HTR1F: variants seen among roughly 807,000 people sequenced by gnomAD.
HTR1F encodes 5-hydroxytryptamine receptor 1F.
Under a neutral mutation model 24.0 loss-of-function variants are expected in HTR1F, and 17 were observed. The observed-to-expected ratio is 0.71, with a 90% confidence interval of 0.48 to 1.06. The LOEUF (loss-of-function observed/expected upper bound fraction) is 1.06. Among genes scored for constraint, HTR1F ranks in the 50% least tolerant of loss-of-function variants. The pLI is 0.00. For missense variants in HTR1F, 391 were observed against 427.8 expected (o/e 0.91, Z 0.76); for synonymous variants, 186 against 156.8 (o/e 1.19, Z -1.39).
chr3:87,820,175 AT>A (rs1370534998), intron 1 of HTR1F, among the ~76,000 whole-genome samples: 281 of 130,624 alleles, frequency 2.2e-3, no homozygotes, highest in African/African-American at 3.9e-3. Flanking sequence ...ATCATGACCC[AT>A]TTTTTTTTTT....
intron 2 of HTR1F, among the ~76,000 whole-genome samples, chr3:87,862,092 A>C (rs1426386637): frequency 3.9e-5 from 6 of 152,182 alleles, no homozygotes; most frequent in Admixed American, 3.9e-4. Context: ...CATATTTACC[A>C]TTTCCAGTGT....
At chr3:87,886,170 G>A (rs1705937893) in intron 2 of HTR1F, among the ~76,000 whole-genome samples, 2 of 152,202 alleles carry the variant, frequency 1.3e-5, no homozygotes, top group Non-Finnish European at 2.9e-5. Flanking sequence ...TCCCTGTGAT[G>A]CAAGGCTGGT....
intron 2 of HTR1F, among the ~76,000 whole-genome samples, chr3:87,834,348 C>G (rs919523415): frequency 6.6e-6 from 1 of 151,814 alleles, no homozygotes; most frequent in African/African-American, 2.4e-5. Flanking sequence ...CATATAAATA[C>G]TCATATAAAT....
intron 2 of HTR1F, among the ~76,000 whole-genome samples, chr3:87,988,430 G>A (rs779274795): frequency 4.9e-4 from 74 of 152,232 alleles, no homozygotes; most frequent in Admixed American, 9.8e-4. Flanking sequence ...TTGCTTAACA[G>A]CACTTGCCTT....
intron 2 of HTR1F, among the ~76,000 whole-genome samples, chr3:87,909,320 A>G (rs1359280235): frequency 6.6e-6 from 1 of 151,988 alleles, no homozygotes; most frequent in Non-Finnish European, 1.5e-5. Context: ...CCACAGTAAA[A>G]CCTAGCCAAT....
At position 87,873,133 on chromosome 3, in the gene HTR1F, C is replaced by CACAGAGAGAG. The variant is rs370152361; in HGVS notation, c.-43+51010_-43+51011insCAGAGAGAGA. Among the ~76,000 whole-genome samples the CACAGAGAGAG allele has an allele frequency of 1.0e-3, 136 of 130,320 alleles. 1 individual carries two copies. Among genetic ancestry groups the CACAGAGAGAG allele is most frequent in the Middle Eastern group, 4.0e-3 (1 of 250 alleles). The allele number at this position is 130,320 out of a possible 152,430, so 85.5% of individuals were successfully genotyped here. ...ACACACACACACACACACACACACA[C>CACAGAGAGAG]AGAGAGATTTATGAGATTTATTATA... On this transcript the variant is annotated intron_variant, in intron 2 of 2. Transcript: ENST00000319595.
intron 2 of HTR1F, among the ~76,000 whole-genome samples, chr3:87,957,151 T>C (rs888743844): frequency 1.3e-5 from 2 of 151,324 alleles, no homozygotes; most frequent in African/African-American, 4.8e-5. Context: ...CTAAGAGTTT[T>C]TATCAGGAAT....
intron 2 of HTR1F, among the ~76,000 whole-genome samples, chr3:87,887,614 T>C (rs1705980872): frequency 6.6e-6 from 1 of 152,026 alleles, no homozygotes; most frequent in Non-Finnish European, 1.5e-5. Context: ...ACAAAGAACT[T>C]AAACAAATTT....
chr3:87,985,599 T>C (rs1418969156), intron 2 of HTR1F, among the ~76,000 whole-genome samples: 1 of 152,214 alleles, frequency 6.6e-6, no homozygotes, highest in East Asian at 1.9e-4. Flanking sequence ...GGAAAGCACT[T>C]AGTACATTGC....
intron 2 of HTR1F, among the ~76,000 whole-genome samples, chr3:87,863,218 G>A (rs1270745613): frequency 6.6e-6 from 1 of 152,142 alleles, no homozygotes; most frequent in South Asian, 2.1e-4. Flanking sequence ...ACCCTCACTT[G>A]CTTTGAGTTT....
chr3:87,833,967 T>C (rs985801981), intron 2 of HTR1F, among the ~76,000 whole-genome samples: 1 of 152,216 alleles, frequency 6.6e-6, no homozygotes, highest in Admixed American at 6.5e-5. Context: ...AAAGAAAAAT[T>C]ATCTTGTTGT....
Position 87,868,413 on chromosome 3 carries a change from A to G in HTR1F, c.-43+46289A>G, listed in dbSNP as rs181461866. 1.6e-4 allele frequency among the ~76,000 whole-genome samples: 24 copies of G among 152,118 alleles called. No homozygotes were observed. In the East Asian group the frequency reaches 4.6e-3, roughly 29 times the overall value. On this transcript the variant is annotated intron_variant, in intron 2 of 2. Coordinates refer to ENST00000319595, the MANE Select transcript of HTR1F (RefSeq NM_001322209.2). ...TTCACTTGTTAAAGGATTTTCTTAG[A>G]GAAAGAAATGGTTAAGAAGGATATA...
At chr3:87,845,405 G>T (rs1189076142) in intron 2 of HTR1F, among the ~76,000 whole-genome samples, 3 of 150,424 alleles carry the variant, frequency 2.0e-5, no homozygotes, top group South Asian at 4.2e-4. Flanking sequence ...CAAAATCAAT[G>T]TGCAAAAATC....
chr3:87,992,643 G>A lies in HTR1F; in HGVS notation c.*793G>A, dbSNP rs1277571135. On this transcript the variant is annotated 3_prime_UTR_variant, in exon 3 of 3. Transcript: ENST00000319595. ...TTATAATTGCTCTCTGTTTACTTAG[G>A]AATCAAATTTAAAGCACTAAATATC... The A allele has an allele frequency of 6.0e-6, 1 of 166,852 alleles. No individual in the cohort carries two copies. The highest frequency in any genetic ancestry group is 2.4e-5 in the African/African-American group (1 of 41,388). The allele number at this position is 166,852 out of a possible 1,614,324, so 10.3% of individuals were successfully genotyped here. A position where few individuals can be genotyped will look rare whatever the true frequency, so the allele number is the denominator to read the frequency against.
At chr3:87,954,369 GC>G (rs1704899498) in intron 2 of HTR1F, among the ~76,000 whole-genome samples, 2 of 151,738 alleles carry the variant, frequency 1.3e-5, no homozygotes, top group African/African-American at 4.8e-5. Context: ...TCTAAGAAAA[GC>G]AAAAGCTGAT....
chr3:87,817,371 T>A (rs1237388507), intron 1 of HTR1F, among the ~76,000 whole-genome samples: 2 of 152,266 alleles, frequency 1.3e-5, no homozygotes, highest in East Asian at 3.9e-4. Flanking sequence ...ACAAAAACAG[T>A]CAATACCATG....
chr3:87,797,680 A>C (rs1703927567), intron 1 of HTR1F, among the ~76,000 whole-genome samples: 1 of 152,206 alleles, frequency 6.6e-6, no homozygotes, highest in Admixed American at 6.5e-5. Flanking sequence ...GTAGCTTAAA[A>C]TATGAAAGAA....
intron 2 of HTR1F, among the ~76,000 whole-genome samples, chr3:87,847,811 T>C (rs1014722697): frequency 1.3e-5 from 2 of 151,924 alleles, no homozygotes; most frequent in Non-Finnish European, 2.9e-5. Flanking sequence ...TTTCCGTGCT[T>C]AGGTTATTCC....
intron 2 of HTR1F, among the ~76,000 whole-genome samples, chr3:87,974,784 C>G (rs1176596910): frequency 1.3e-5 from 2 of 152,280 alleles, no homozygotes; most frequent in Non-Finnish European, 1.5e-5. Flanking sequence ...TGAGCTGCAT[C>G]TTTTATGCAT....
Sources: allele counts gnomAD v4.1 joint callset (sites outside exome capture counted in the v4.1 genomes callset), GRCh38; gene constraint gnomAD v4.1.1; transcripts MANE v1.5; gene names NCBI Gene and HGNC (gene_info 2026-07-23, HGNC 2026-07-21).